Variants in CNOT6L observed in about 807,000 individuals in gnomAD.
CNOT6L encodes CCR4-NOT transcription complex subunit 6 like, also known as CCR4-NOT transcription complex subunit 6-like.
Under a neutral mutation model 64.0 loss-of-function variants are expected in CNOT6L, and 7 were observed. That is an observed-to-expected ratio of 0.11 (90% CI 0.06 to 0.21). CNOT6L has a LOEUF of 0.21. Ranked by LOEUF, CNOT6L falls within the 10% of genes least tolerant of loss-of-function variation. CNOT6L has a pLI of 1.00. For missense variants in CNOT6L, 245 were observed against 669.0 expected (o/e 0.37, Z 6.99); for synonymous variants, 193 against 243.4 (o/e 0.79, Z 1.93).
At chr4:77,754,552 C>T (rs1002946886) in intron 5 of CNOT6L, among the ~76,000 whole-genome samples, 4 of 151,990 alleles carry the variant, frequency 2.6e-5, no homozygotes, top group Non-Finnish European at 1.5e-5. Context: ...TTAAAAACCT[C>T]GTTCTAAAAA....
chr4:77,760,200 C>A (rs1439022325), intron 4 of CNOT6L, among the ~76,000 whole-genome samples: 2 of 151,928 alleles, frequency 1.3e-5, no homozygotes, highest in Non-Finnish European at 2.9e-5. Flanking sequence ...TGGTGAGACC[C>A]CCATCTCTAC....
Position 77,748,299 on chromosome 4 carries a change from T to C in CNOT6L, c.559+17A>G. On this transcript the variant is annotated intron_variant, in intron 6 of 11. Coordinates refer to ENST00000504123, the MANE Select transcript of CNOT6L (RefSeq NM_144571.3). ...AGAATTTCTGAAAAAAAAGGAAGAA[T>C]AAGAAAAACTATTTACCTGACGGCA... The C allele has an allele frequency of 6.6e-7, 1 of 1,526,300 alleles. No homozygotes were observed. The highest frequency in any genetic ancestry group is 9.1e-7 in the Non-Finnish European group (1 of 1,101,858). 94.5% of individuals were successfully genotyped at this position (1,526,300 alleles called of 1,614,324 possible).
At position 77,760,860 on chromosome 4, in the gene CNOT6L, C is replaced by CTTTTTTTTTTTTTTTT. The variant is rs754195745; in HGVS notation, c.401-3925_401-3910dup. 4.3e-4 allele frequency among the ~76,000 whole-genome samples: 13 copies of CTTTTTTTTTTTTTTTT among 29,982 alleles called. 3 individuals are homozygous for CTTTTTTTTTTTTTTTT. The highest frequency in any genetic ancestry group is 5.1e-4 in the Non-Finnish European group (9 of 17,602). The allele number at this position is 29,982 out of a possible 152,430, so 19.7% of individuals were successfully genotyped here. A position where few individuals can be genotyped will look rare whatever the true frequency, so the allele number is the denominator to read the frequency against. ...TACAGGTGCACACCACCATGCCTGG[C>CTTTTTTTTTTTTTTTT]TTTTTTTTTTTTTTTTTTTTTTTTT... On this transcript the variant is annotated intron_variant, in intron 4 of 11. Transcript: ENST00000504123.
chr4:77,731,864 G>T, intron 8 of CNOT6L: 1 of 201,472 alleles, frequency 5.0e-6, no homozygotes, highest in Non-Finnish European at 1.0e-5. Flanking sequence ...TGGGGAAGCA[G>T]CTGAACCAGT....
At chr4:77,752,269 T>C (rs1376894286) in intron 5 of CNOT6L, among the ~76,000 whole-genome samples, 1 of 152,114 alleles carries the variant, frequency 6.6e-6, no homozygotes, top group African/African-American at 2.4e-5. Context: ...TAAGTATATG[T>C]AATTGAAAAG....
At chr4:77,755,187 T>C (rs6823465) in intron 5 of CNOT6L, among the ~76,000 whole-genome samples, 115,838 of 146,868 alleles carry the variant, frequency 0.79, 46,481 homozygotes, top group Non-Finnish European at 0.86. Context: ...CACACACATA[T>C]GGCTGGATTG....
chr4:77,749,037 A>C (rs951113711), intron 5 of CNOT6L, among the ~76,000 whole-genome samples: 4 of 152,160 alleles, frequency 2.6e-5, no homozygotes, highest in Non-Finnish European at 5.9e-5. Context: ...AAATCTTTGA[A>C]ATTACAGTAC....
At chr4:77,752,126 G>A (rs1184182565) in intron 5 of CNOT6L, among the ~76,000 whole-genome samples, 1 of 152,038 alleles carries the variant, frequency 6.6e-6, no homozygotes, top group Admixed American at 6.6e-5. Context: ...GTGAGCTAAG[G>A]AAACTCTCTA....
chr4:77,798,156 G>A (rs867549860), intron 1 of CNOT6L, among the ~76,000 whole-genome samples: 20 of 152,000 alleles, frequency 1.3e-4, no homozygotes, highest in African/African-American at 3.9e-4. Context: ...GCAAGACCCC[G>A]TCTTTACAAA....
intron 2 of CNOT6L, 127 bp downstream of exon 2, chr4:77,776,144 A>C: frequency 2.3e-6 from 2 of 888,450 alleles, no homozygotes; most frequent in Non-Finnish European, 3.5e-6. Flanking sequence ...AAACACTAGT[A>C]TCTTACCATC....
intron 1 of CNOT6L, among the ~76,000 whole-genome samples, chr4:77,782,953 C>T (rs1431335653): frequency 6.6e-6 from 1 of 152,018 alleles, no homozygotes; most frequent in South Asian, 2.1e-4. Context: ...ATCACAAGAG[C>T]TTAAATGATG....
Position 77,753,053 on chromosome 4 carries a change from G to A in CNOT6L, c.490+3809C>T, listed in dbSNP as rs550691206. Among the ~76,000 whole-genome samples the A allele has an allele frequency of 2.6e-5, 4 of 151,434 alleles. No individual in the cohort carries two copies. The East Asian group carries it at 5.8e-4, about 22-fold the overall frequency. On this transcript the variant is annotated intron_variant, in intron 5 of 11. Transcript: ENST00000504123. ...AAATATTCTGAACAACTTTCGGCCCGTAAATTTGAAGATTTACATAAAATG... is the reference window on the plus strand; with the variant it reads ...AAATATTCTGAACAACTTTCGGCCCATAAATTTGAAGATTTACATAAAATG...
At chr4:77,760,971 C>A (rs1239267627) in intron 4 of CNOT6L, among the ~76,000 whole-genome samples, 1 of 148,634 alleles carries the variant, frequency 6.7e-6, no homozygotes. Flanking sequence ...CCACCTCGGC[C>A]TCCCAAAGTG....
At position 77,713,880 on chromosome 4, in the gene CNOT6L, TATTAAAC is replaced by T. The variant is rs1165810363; in HGVS notation, c.*6544_*6550del. 1 of 152,610 alleles carries T rather than the reference TATTAAAC, an allele frequency of 6.6e-6. No individual in the cohort carries two copies. Among genetic ancestry groups the T allele is most frequent in the Non-Finnish European group, 1.5e-5 (1 of 68,036 alleles). The allele number at this position is 152,610 out of a possible 1,614,324, so 9.5% of individuals were successfully genotyped here. ...GGTTAAAACACCTACAGAACCAGTC[TATTAAAC>T]ATTAAACACTAGCAAGCTACAATTA... On this transcript the variant is annotated 3_prime_UTR_variant, in exon 12 of 12. Coordinates refer to ENST00000504123, the MANE Select transcript of CNOT6L (RefSeq NM_144571.3).
intron 8 of CNOT6L, chr4:77,731,750 C>A: frequency 2.3e-6 from 1 of 434,410 alleles, no homozygotes; most frequent in Non-Finnish European, 4.1e-6. Flanking sequence ...TATATCCCTT[C>A]ATGCTTTTAT....
At chr4:77,763,691 A>G (rs577147267) in intron 4 of CNOT6L, among the ~76,000 whole-genome samples, 5 of 152,202 alleles carry the variant, frequency 3.3e-5, no homozygotes, top group Non-Finnish European at 2.9e-5. Flanking sequence ...ACAATTAGAG[A>G]AAAGAAATTC....
chr4:77,765,749 C>T lies in CNOT6L; in HGVS notation c.400+7332G>A, dbSNP rs79018781. Among the ~76,000 whole-genome samples, 290 of 152,294 alleles carry T rather than the reference C, an allele frequency of 1.9e-3. 4 individuals are homozygous for T. In the East Asian group the frequency reaches 0.044, roughly 23 times the overall value. On this transcript the variant is annotated intron_variant, in intron 4 of 11. Transcript: ENST00000504123. ...TCCAAGGGTTATCTGTCTCTTGATA[C>T]TGAGTAATTTCTATAATTACTTATA...
intron 4 of CNOT6L, among the ~76,000 whole-genome samples, chr4:77,765,479 GTTT>G (rs1440426676): frequency 1.3e-5 from 2 of 152,126 alleles, no homozygotes; most frequent in Non-Finnish European, 2.9e-5. Context: ...TTACAGGACT[GTTT>G]TACCAAGATT....
At position 77,714,262 on chromosome 4, in the gene CNOT6L, A is replaced by G. The variant is rs1431089596; in HGVS notation, c.*6169T>C. 1 of 152,242 alleles carries G rather than the reference A, an allele frequency of 6.6e-6. No individual in the cohort carries two copies. The highest frequency in any genetic ancestry group is 2.4e-5 in the African/African-American group (1 of 41,316). 9.4% of individuals were successfully genotyped at this position (152,242 alleles called of 1,614,324 possible). On this transcript the variant is annotated 3_prime_UTR_variant, in exon 12 of 12. Transcript: ENST00000504123. ...AATGCCAGGTAATGAAAATAAATGA[A>G]CCTTTCCCTACTCAAAACGATAAAT...
Sources: allele counts gnomAD v4.1 joint callset (sites outside exome capture counted in the v4.1 genomes callset), GRCh38; gene constraint gnomAD v4.1.1; transcripts MANE v1.5; gene names NCBI Gene and HGNC (gene_info 2026-07-23, HGNC 2026-07-21).